Variants in PRKCQ observed in about 807,000 individuals in gnomAD.
PRKCQ encodes the protein protein kinase C theta.
Under a neutral mutation model 91.2 loss-of-function variants are expected in PRKCQ, and 41 were observed. That is an observed-to-expected ratio of 0.45 (90% CI 0.35 to 0.58). The LOEUF is 0.58. PRKCQ is among the 20% of genes least tolerant of loss of function. The pLI is 0.00. For synonymous variants in PRKCQ, 307 were observed against 316.9 expected (o/e 0.97, Z 0.33); for missense variants, 673 against 896.5 (o/e 0.75, Z 3.18).
the PRKCQ span, among the ~76,000 whole-genome samples, chr10:6,421,659 C>T: frequency 6.6e-6 from 1 of 152,220 alleles, no homozygotes; most frequent in Non-Finnish European, 1.5e-5. The surrounding 1 kb of genome is among the most constrained non-coding windows in gnomAD (Gnocchi z 4.1). Flanking sequence ...TTCATGACTT[C>T]ATTTCCACCA....
rs1160599680 is a variant in PRKCQ, at chr10:6,467,389, C to CAGAGAG, written c.1354-2991_1354-2986dup. ...AGAGAGAGAGACAGAGAGAGACAGA[C>CAGAGAG]AGAGAGAGAGAGAGAGAGAGAGAGA... On this transcript the variant is annotated intron_variant, in intron 12 of 17. Transcript: ENST00000263125. Among the ~76,000 whole-genome samples the CAGAGAG allele has an allele frequency of 7.8e-3, 217 of 27,762 alleles. 13 individuals are homozygous for CAGAGAG. The highest frequency in any genetic ancestry group is 0.031 in the East Asian group (29 of 948). 18.2% of individuals were successfully genotyped at this position (27,762 alleles called of 152,430 possible). A position where few individuals can be genotyped will look rare whatever the true frequency, so the allele number is the denominator to read the frequency against.
At chr10:6,535,700 G>A (rs1289133349) in intron 1 of PRKCQ, among the ~76,000 whole-genome samples, 1 of 152,014 alleles carries the variant, frequency 6.6e-6, no homozygotes, top group Non-Finnish European at 1.5e-5. Flanking sequence ...AACAGCCCGT[G>A]TCCACCTCCC....
At chr10:6,468,581 C>G (rs768058216) in intron 12 of PRKCQ, among the ~76,000 whole-genome samples, 2 of 152,182 alleles carry the variant, frequency 1.3e-5, no homozygotes, top group Non-Finnish European at 2.9e-5. Flanking sequence ...TGTAGACTCC[C>G]TCTCCAGAAA....
the PRKCQ span, among the ~76,000 whole-genome samples, chr10:6,407,893 G>T: frequency 6.6e-6 from 1 of 151,874 alleles, no homozygotes; most frequent in South Asian, 2.1e-4. The surrounding 1 kb of genome is among the most constrained non-coding windows in gnomAD (Gnocchi z 4.0). Flanking sequence ...TTGTAAATAA[G>T]TATAAAATGA....
intron 2 of PRKCQ, among the ~76,000 whole-genome samples, chr10:6,514,028 G>A (rs1223083489): frequency 6.6e-6 from 1 of 152,080 alleles, no homozygotes; most frequent in African/African-American, 2.4e-5. Context: ...TAAAGGGAAG[G>A]CAGTCTTCCT....
chr10:6,547,867 C>A lies in PRKCQ; in HGVS notation c.-10+32344G>T, dbSNP rs1212554166. Among the ~76,000 whole-genome samples the A allele has an allele frequency of 6.9e-3, 1,044 of 150,410 alleles. 9 individuals carry two copies. The highest frequency in any genetic ancestry group is 0.023 in the African/African-American group (946 of 41,234). On this transcript the variant is annotated intron_variant, in intron 1 of 17. Transcript: ENST00000263125. ...ACACCAAAAGCAATGGCAACAAAAGCCAAAATTGACAAATGGGATCTAATT... is the reference window on the plus strand; with the variant it reads ...ACACCAAAAGCAATGGCAACAAAAGACAAAATTGACAAATGGGATCTAATT...
At chr10:6,450,945 A>G (rs1324738467) in intron 15 of PRKCQ, among the ~76,000 whole-genome samples, 3 of 152,200 alleles carry the variant, frequency 2.0e-5, no homozygotes, top group East Asian at 3.9e-4. Flanking sequence ...AGGGAAATTT[A>G]TAGCACTAAA....
intron 1 of PRKCQ, among the ~76,000 whole-genome samples, chr10:6,527,634 T>C (rs1839245030): frequency 6.6e-6 from 1 of 152,194 alleles, no homozygotes; most frequent in Admixed American, 6.5e-5. Flanking sequence ...AGCCAAGTCC[T>C]GCCACCGTGC....
In PRKCQ at chr10:6,457,325, T is replaced by G. The variant is rs183560759; in HGVS notation, c.1509-513A>C. On this transcript the variant is annotated intron_variant, in intron 14 of 17. Transcript: ENST00000263125. ...CTAGTATCCTCTTAAAAGAACCCAT[T>G]CCATTCTTAGGGAAATGTAACTGAT... 3.3e-5 allele frequency among the ~76,000 whole-genome samples: 5 copies of G among 152,216 alleles called. No homozygotes were observed. The East Asian group carries it at 5.8e-4, about 18-fold the overall frequency.
chr10:6,509,729 C>T (rs927458657), intron 3 of PRKCQ, among the ~76,000 whole-genome samples: 1 of 152,166 alleles, frequency 6.6e-6, no homozygotes, highest in African/African-American at 2.4e-5. Context: ...TTTTCCCAAG[C>T]CAACACACAA....
Position 6,428,095 on chromosome 10 carries a change from A to ATTG in PRKCQ, c.*109_*111dup. ...TGGGGGCGAACGGGTCTCAGTCTTT[A>ATTG]TTGTTGAGTGTTTCTTTCTTTTTCC... On this transcript the variant is annotated 3_prime_UTR_variant, in exon 18 of 18. Coordinates refer to ENST00000263125, the MANE Select transcript of PRKCQ (RefSeq NM_006257.5). 7.2e-7 allele frequency: 1 copy of ATTG among 1,394,304 alleles called. No individual in the cohort carries two copies. The highest frequency in any genetic ancestry group is 1.0e-6 in the Non-Finnish European group (1 of 1,000,968). 86.4% of individuals were successfully genotyped at this position (1,394,304 alleles called of 1,614,324 possible). A position where few individuals can be genotyped will look rare whatever the true frequency, so the allele number is the denominator to read the frequency against.
chr10:6,580,439 G>C (rs945236357), upstream of PRKCQ: 1 of 152,078 alleles, frequency 6.6e-6, no homozygotes, highest in African/African-American at 2.4e-5. Context: ...AGGGACGCGC[G>C]CTCGGTCCCC....
chr10:6,512,633 A>G (rs1027891835), intron 2 of PRKCQ, among the ~76,000 whole-genome samples: 1 of 152,226 alleles, frequency 6.6e-6, no homozygotes, highest in Non-Finnish European at 1.5e-5. Flanking sequence ...ATTAAGCAAA[A>G]GGGGAAAAAT....
chr10:6,547,487 A>G (rs963358140), intron 1 of PRKCQ, among the ~76,000 whole-genome samples: 4 of 152,124 alleles, frequency 2.6e-5, no homozygotes, highest in South Asian at 2.1e-4. Context: ...AAACTATACT[A>G]CAGGCTACAG....
intron 1 of PRKCQ, among the ~76,000 whole-genome samples, chr10:6,554,838 C>T (rs531543895): frequency 1.8e-4 from 27 of 152,230 alleles, no homozygotes; most frequent in African/African-American, 3.4e-4. Context: ...AAAAGACACA[C>T]GCATATCTAT....
At chr10:6,570,101 C>A (rs1266844842) in intron 1 of PRKCQ, among the ~76,000 whole-genome samples, 1 of 152,050 alleles carries the variant, frequency 6.6e-6, no homozygotes, top group Non-Finnish European at 1.5e-5. Context: ...CACAGAGGGA[C>A]AATGTCCCAG....
At chr10:6,568,179 C>T (rs1316496367) in intron 1 of PRKCQ, among the ~76,000 whole-genome samples, 1 of 152,016 alleles carries the variant, frequency 6.6e-6, no homozygotes, top group Non-Finnish European at 1.5e-5. Context: ...CACGCCACTG[C>T]ATTCCAGCCT....
chr10:6,420,807 G>A, the PRKCQ span, among the ~76,000 whole-genome samples: 208 of 152,230 alleles, frequency 1.4e-3, no homozygotes, highest in Admixed American at 3.5e-3. Context: ...GAGGCTTTCA[G>A]AAAAACTTCT....
intron 4 of PRKCQ, among the ~76,000 whole-genome samples, chr10:6,506,563 T>G (rs1259987444): frequency 6.6e-6 from 1 of 152,208 alleles, no homozygotes; most frequent in African/African-American, 2.4e-5. Context: ...AAAAGATGAA[T>G]TCACCATGCC....
Sources: allele counts gnomAD v4.1 joint callset (sites outside exome capture counted in the v4.1 genomes callset), GRCh38; gene constraint gnomAD v4.1.1; non-coding constraint Gnocchi (gnomAD v3.1); transcripts MANE v1.5; gene names NCBI Gene and HGNC (gene_info 2026-07-23, HGNC 2026-07-21).